MMP9: variants seen among roughly 807,000 people sequenced by gnomAD.
The protein encoded by MMP9 is matrix metalloproteinase-9.
MMP9 carries 73 observed loss-of-function variants against 76.4 expected under a neutral mutation model. That is an observed-to-expected ratio of 0.96 (90% CI 0.79 to 1.16). The LOEUF is 1.16. Ranked by LOEUF, MMP9 falls within the 50% of genes most tolerant of loss-of-function variation. MMP9 has a pLI of 0.00. For synonymous variants in MMP9, 412 were observed against 408.4 expected, an observed-to-expected ratio of 1.01 and a Z score of -0.11; for missense variants, 943 against 973.0, an observed-to-expected ratio of 0.97 and a Z score of 0.41.
rs149756357 is a variant in MMP9 at position 46,009,919 on chromosome 20, G to A, written c.192G>A (p.Ser64=). Reference sequence around the variant, plus strand: ...GGGTGGCAGAGATGCGTGGAGAGTCGAAATCTCTGGGGCCTGCGCTGCTGC... The same window carrying A: ...GGGTGGCAGAGATGCGTGGAGAGTCAAAATCTCTGGGGCCTGCGCTGCTGC... ...YTRVAEMRGE[S]KSLGPALLLL... The change falls in exon 2 of 13, where the codon TCG becomes TCA. Residue 64 remains serine (S), a synonymous_variant. Transcript: ENST00000372330. 21 of 1,552,152 alleles carry A rather than the reference G, an allele frequency of 1.4e-5. No homozygotes were observed. The highest frequency in any genetic ancestry group is 1.5e-5 in the Non-Finnish European group (17 of 1,147,282).
chr20:46,013,958 T>G lies in MMP9; in HGVS notation c.1750+162T>G, dbSNP rs2145456093. Reference sequence around the variant, plus strand: ...TAGGGGCGGCTGAGTTTCTGCCCCCTCCTCTCCACGCCCTCGCGTCGCTCT... The same window carrying G: ...TAGGGGCGGCTGAGTTTCTGCCCCCGCCTCTCCACGCCCTCGCGTCGCTCT... On this transcript the variant is annotated intron_variant, in intron 10 of 12. Transcript: ENST00000372330. The surrounding 1 kb of genome is among the most constrained non-coding windows in gnomAD (Gnocchi z 4.5). 2.2e-6 allele frequency: 3 copies of G among 1,381,546 alleles called. No homozygotes were observed. The East Asian group carries it at 7.5e-5, about 35-fold the overall frequency. 85.6% of individuals were successfully genotyped at this position (1,381,546 alleles called of 1,614,324 possible). A position where few individuals can be genotyped will look rare whatever the true frequency, so the allele number is the denominator to read the frequency against.
chr20:46,010,938 T>C lies in MMP9; in HGVS notation c.537T>C (p.Tyr179=). The change falls in exon 4 of 13, where the codon TAT becomes TAC. Residue 179 remains tyrosine, a synonymous_variant. Transcript: ENST00000372330. Reference sequence around the variant, plus strand: ...TTTCTTCAGAGCACGGAGACGGGTATCCCTTCGACGGGAAGGACGGGCTCC... The same window carrying C: ...TTTCTTCAGAGCACGGAGACGGGTACCCCTTCGACGGGAAGGACGGGCTCC... The part of the protein sequence containing the change: ...QFGVAEHGDG[Y]PFDGKDGLLA... 1.6e-5 allele frequency: 26 copies of C among 1,614,218 alleles called. No individual in the cohort carries two copies. Among genetic ancestry groups the C allele is most frequent in the Non-Finnish European group, 2.1e-5 (25 of 1,180,032 alleles).
intron 2 of MMP9, 139 bp downstream of exon 2, chr20:46,010,237 C>T (rs925763016): frequency 2.4e-6 from 2 of 847,888 alleles, no homozygotes; most frequent in African/African-American, 1.8e-5. Context: ...GTGTCCCCAC[C>T]TCTGAGCCTC....
At chr20:46,012,092 T>A in intron 6 of MMP9, 45 bp from the exon 7 acceptor site, 1 of 1,607,568 alleles carries the variant, frequency 6.2e-7, no homozygotes, top group Non-Finnish European at 8.5e-7. Context: ...TGACTCCTTA[T>A]TGGACTCATC....
At chr20:46,014,710 C>T (rs1319006785) in intron 12 of MMP9, 2 of 586,388 alleles carry the variant, frequency 3.4e-6, no homozygotes, top group South Asian at 2.0e-5. Context: ...TCCTTCAGTA[C>T]AGGACGGCAG....
At position 46,013,926 on chromosome 20, in the gene MMP9, G is replaced by T; in HGVS notation, c.1750+130G>T. 2 of 1,451,702 alleles carry T rather than the reference G, an allele frequency of 1.4e-6. No homozygotes were observed. The highest frequency in any genetic ancestry group is 1.9e-6 in the Non-Finnish European group (2 of 1,067,830). 89.9% of individuals were successfully genotyped at this position (1,451,702 alleles called of 1,614,324 possible). A position where few individuals can be genotyped will look rare whatever the true frequency, so the allele number is the denominator to read the frequency against. On this transcript the variant is annotated intron_variant, in intron 10 of 12. Transcript: ENST00000372330. This position sits in a 1 kb window ranked among gnomAD's most constrained non-coding sequence, Gnocchi z 4.5. ...TACGCCCCCTGGCGGACGCAGTTTA[G>T]CAAACGTAGGGGCGGCTGAGTTTCT...
chr20:46,012,353 C>G, intron 7 of MMP9, 40 bp downstream of exon 7: 1 of 1,612,574 alleles, frequency 6.2e-7, no homozygotes, highest in African/African-American at 1.3e-5. Context: ...GGGTTCCCGG[C>G]AGTGGTGGTG....
At position 46,010,329 on chromosome 20, in the gene MMP9, A is replaced by AAAAAAAAAAAAC. The variant is rs2084269536; in HGVS notation, c.372-143_372-142insCAAAAAAAAAAA. ...GTGAGGGTCTAAGTAGACAAAAAAA[A>AAAAAAAAAAAAC]AAAAAAAAAAAACAGTCTGGAAGCA... On this transcript the variant is annotated intron_variant, in intron 2 of 12. Transcript: ENST00000372330. 1.4e-5 allele frequency among the ~76,000 whole-genome samples: 2 copies of AAAAAAAAAAAAC among 143,742 alleles called. 1 individual carries two copies. Among genetic ancestry groups the AAAAAAAAAAAAC allele is most frequent in the Non-Finnish European group, 3.1e-5 (2 of 65,486 alleles). 94.3% of individuals were successfully genotyped at this position (143,742 alleles called of 152,430 possible).
At position 46,013,446 on chromosome 20, in the gene MMP9, C is replaced by T. The variant is rs756375631; in HGVS notation, c.1522C>T (p.Pro508Ser). Residue 508 changes from proline (P) to serine (S), a missense_variant, in exon 9 of 13, where the codon CCT becomes TCT. Transcript: ENST00000372330. This position sits in a 1 kb window ranked among gnomAD's most constrained non-coding sequence, Gnocchi z 4.5. ...TGGCCCTTCTACGGCCACTACTGTG[C>T]CTTTGAGTCCGGTGGACGATGCCTG... is the stretch of plus-strand genomic sequence containing the variant. ...TAGPSTATTV[P>S]LSPVDDACNV... The T allele has an allele frequency of 6.2e-7, 1 of 1,614,006 alleles. No homozygotes were observed. The highest frequency in any genetic ancestry group is 2.2e-5 in the East Asian group (1 of 44,878).
chr20:46,010,640 G>C lies in MMP9; in HGVS notation c.520+9G>C. Reference sequence around the variant, plus strand: ...CCAGTTTGGTGTCGCGGGTGAGAACGTGAGGAGGGAAAATCCAAGAGACCT... The same window carrying C: ...CCAGTTTGGTGTCGCGGGTGAGAACCTGAGGAGGGAAAATCCAAGAGACCT... On this transcript the variant is annotated intron_variant, in intron 3 of 12. Coordinates refer to ENST00000372330, the MANE Select transcript of MMP9 (RefSeq NM_004994.3). 6.2e-7 allele frequency: 1 copy of C among 1,611,474 alleles called. No homozygotes were observed. The highest frequency in any genetic ancestry group is 8.5e-7 in the Non-Finnish European group (1 of 1,178,598).
Position 46,011,652 on chromosome 20 carries a change from C to T in MMP9, c.902C>T (p.Ala301Val). 1 of 1,614,128 alleles carries T rather than the reference C, an allele frequency of 6.2e-7. No homozygotes were observed. The highest frequency in any genetic ancestry group is 8.5e-7 in the Non-Finnish European group (1 of 1,180,026). The change falls in exon 6 of 13, where the codon GCC becomes GTC. Residue 301 changes from alanine (A) to valine (V), a missense_variant. Transcript: ENST00000372330. ...ATCTTCCAAGGCCAATCCTACTCCG[C>T]CTGCACCACGGACGGTCGCTCCGAC... ...PFIFQGQSYSACTTDGRSDGY... is the reference protein window; with the variant it reads ...PFIFQGQSYSVCTTDGRSDGY...
At position 46,012,258 on chromosome 20, in the gene MMP9, C is replaced by A; in HGVS notation, c.1119C>A (p.Cys373Ter). ...GCCGCGGAGATGGGCGCCTCTGGTG[C>A]GCTACCACCTCGAACTTTGACAGCG... ...SEGRGDGRLW[C>*]ATTSNFDSDK... The change falls in exon 7 of 13, where the codon TGC (cysteine) becomes TGA (stop). Residue 373 changes from cysteine (C) to a stop codon, truncating the protein, a stop_gained. Coordinates refer to ENST00000372330, the MANE Select transcript of MMP9 (RefSeq NM_004994.3). LOFTEE classifies it high-confidence loss of function. 3.1e-6 allele frequency: 5 copies of A among 1,614,008 alleles called. No individual in the cohort carries two copies. In the African/African-American group the frequency reaches 4.0e-5, roughly 13 times the overall value.
chr20:46,011,992 C>T (rs890039595), intron 6 of MMP9, 145 bp from the exon 7 acceptor site: 3 of 1,178,606 alleles, frequency 2.5e-6, no homozygotes, highest in Non-Finnish European at 3.6e-6. Flanking sequence ...GTGTCCCAGG[C>T]ACCGCCCACG....
intron 5 of MMP9, 55 bp from the exon 6 acceptor site, chr20:46,011,519 G>T: frequency 1.2e-6 from 2 of 1,605,422 alleles, no homozygotes; most frequent in Non-Finnish European, 1.7e-6. Flanking sequence ...ACACTTGGGG[G>T]TTATAATGTG....
In MMP9 at chr20:46,013,322, G is replaced by C. The variant is rs1374809131; in HGVS notation, c.1398G>C (p.Thr466=). Residue 466 remains threonine, a synonymous_variant, in exon 9 of 13, where the codon ACG becomes ACC. Transcript: ENST00000372330. This position sits in a 1 kb window ranked among gnomAD's most constrained non-coding sequence, Gnocchi z 4.5. ...CACCGCAGCCCACGGCTCCCCCGAC[G>C]GTCTGCCCCACCGGACCCCCCACTG... ...TTTPQPTAPP[T]VCPTGPPTVH... The C allele has an allele frequency of 6.2e-7, 1 of 1,613,128 alleles. No homozygotes were observed. Among genetic ancestry groups the C allele is most frequent in the Non-Finnish European group, 8.5e-7 (1 of 1,179,788 alleles).
intron 1 of MMP9, 54 bp from the exon 2 acceptor site, chr20:46,009,812 C>T: frequency 6.7e-7 from 1 of 1,481,630 alleles, no homozygotes; most frequent in South Asian, 1.2e-5. Flanking sequence ...TTGGCCCCAG[C>T]TGGGCAGAGA....
At position 46,011,155 on chromosome 20, in the gene MMP9, G is replaced by T. The variant is rs762936205; in HGVS notation, c.662G>T (p.Arg221Leu). The T allele has an allele frequency of 4.3e-6, 7 of 1,613,972 alleles. No individual in the cohort carries two copies. Among genetic ancestry groups the T allele is most frequent in the Non-Finnish European group, 5.9e-6 (7 of 1,180,042 alleles). ...CCTCCTCCTGCAGTGGTTCCAACTC[G>T]GTTTGGAAACGCAGATGGCGCGGCC... ...SLGKGVVVPT[R>L]FGNADGAACH... The change falls in exon 5 of 13, where the codon CGG becomes CTG. Residue 221 changes from arginine (R) to leucine (L), a missense_variant. Transcript: ENST00000372330.
intron 3 of MMP9, 30 bp downstream of exon 3, chr20:46,010,661 G>A (rs761123454): frequency 3.1e-6 from 5 of 1,602,570 alleles, no homozygotes. Flanking sequence ...AAATCCAAGA[G>A]ACCTGGGCGG....
rs1433756185 is a variant in MMP9, at chr20:46,014,286, C to T, written c.1901+12C>T. The T allele has an allele frequency of 2.0e-6, 3 of 1,526,504 alleles. No individual in the cohort carries two copies. In the South Asian group the frequency reaches 3.6e-5, roughly 18 times the overall value. The allele number at this position is 1,526,504 out of a possible 1,614,324, so 94.6% of individuals were successfully genotyped here. ...CGGCGCCTCTGGAGGTGAGCGCCGC[C>T]GCGGCCGCCGGCAGGGGGAGCCCGG... On this transcript the variant is annotated intron_variant, in intron 11 of 12. Coordinates refer to ENST00000372330, the MANE Select transcript of MMP9 (RefSeq NM_004994.3).
Sources: gnomAD v4.1 joint callset for allele counts (sites outside exome capture counted in the v4.1 genomes callset) on GRCh38, gnomAD v4.1.1 for gene constraint, Gnocchi (gnomAD v3.1) non-coding constraint, MANE v1.5 for transcripts, NCBI Gene and HGNC (gene_info 2026-07-23, HGNC 2026-07-21) for gene names.